SV2B: variants seen among roughly 807,000 people sequenced by gnomAD.
SV2B encodes solute carrier family 22 member B2.
SV2B carries 41 observed loss-of-function variants against 73.9 expected under a neutral mutation model. That is an observed-to-expected ratio of 0.56 (90% CI 0.43 to 0.72). The LOEUF (loss-of-function observed/expected upper bound fraction) is 0.72. SV2B is among the 30% of genes least tolerant of loss of function. SV2B has a pLI of 0.00. For missense variants in SV2B, 764 were observed against 857.8 expected, an observed-to-expected ratio of 0.89 and a Z score of 1.37; for synonymous variants, 314 against 314.2, an observed-to-expected ratio of 1.00 and a Z score of 0.01.
intron 1 of SV2B, among the ~76,000 whole-genome samples, chr15:91,166,921 C>T (rs2043935808): frequency 6.6e-6 from 1 of 151,586 alleles, no homozygotes; most frequent in East Asian, 1.9e-4. Flanking sequence ...TCACGCCATT[C>T]TCCTGCCTCA....
chr15:91,142,749 G>C (rs1186708360), intron 1 of SV2B, among the ~76,000 whole-genome samples: 1 of 152,180 alleles, frequency 6.6e-6, no homozygotes, highest in South Asian at 2.1e-4. Flanking sequence ...TCCAACCAAG[G>C]TGTGGTTTAA....
At chr15:91,208,139 C>T (rs1045529698) in intron 1 of SV2B, among the ~76,000 whole-genome samples, 3 of 152,254 alleles carry the variant, frequency 2.0e-5, no homozygotes, top group East Asian at 1.9e-4. Flanking sequence ...GTCTCACCCG[C>T]GTCTGTGATC....
intron 9 of SV2B, among the ~76,000 whole-genome samples, chr15:91,270,972 G>A (rs2048288686): frequency 1.3e-5 from 2 of 151,120 alleles, no homozygotes; most frequent in Non-Finnish European, 2.9e-5. Flanking sequence ...TCCTGTGGAT[G>A]ATGGGCGGAC....
chr15:91,294,933 A>G lies in SV2B; in HGVS notation c.*2381A>G, dbSNP rs1293604539. The G allele has an allele frequency of 6.6e-6, 1 of 152,636 alleles. No homozygotes were observed. Among genetic ancestry groups the G allele is most frequent in the African/African-American group, 2.4e-5 (1 of 41,448 alleles). The allele number at this position is 152,636 out of a possible 1,614,324, so 9.5% of individuals were successfully genotyped here. On this transcript the variant is annotated 3_prime_UTR_variant, in exon 13 of 13. Coordinates refer to ENST00000394232, the MANE Select transcript of SV2B (RefSeq NM_001323032.3). The surrounding 1 kb of genome is among the most constrained non-coding windows in gnomAD (Gnocchi z 4.1). ...GCAGCCAAGCTCTGCAGACTTTTGC[A>G]GGATTGTCTAGCCTGAGTACCGGGC...
At chr15:91,250,086 C>A (rs2047424194) in intron 2 of SV2B, among the ~76,000 whole-genome samples, 1 of 152,034 alleles carries the variant, frequency 6.6e-6, no homozygotes. Context: ...GGTCAATATT[C>A]CTGATGGACA....
chr15:91,182,411 G>C (rs1217097894), intron 1 of SV2B, among the ~76,000 whole-genome samples: 1 of 152,106 alleles, frequency 6.6e-6, no homozygotes, highest in Non-Finnish European at 1.5e-5. Context: ...CTAAAGAAAA[G>C]GTAGCTCAAA....
chr15:91,281,888 T>G lies in SV2B; in HGVS notation c.1507+27T>G. 1 of 1,586,384 alleles carries G rather than the reference T, an allele frequency of 6.3e-7. No homozygotes were observed. Among genetic ancestry groups the G allele is most frequent in the Non-Finnish European group, 8.6e-7 (1 of 1,162,000 alleles). On this transcript the variant is annotated intron_variant, in intron 10 of 12. Coordinates refer to ENST00000394232, the MANE Select transcript of SV2B (RefSeq NM_001323032.3). The surrounding 1 kb of genome is among the most constrained non-coding windows in gnomAD (Gnocchi z 4.7). ...TAGGTAAGAACATTGACAGATTGAA[T>G]AGAAAGTAACAGGAGACAACTTGTG...
chr15:91,284,689 G>A lies in SV2B; in HGVS notation c.1708+468G>A, dbSNP rs1471208487. Among the ~76,000 whole-genome samples the A allele has an allele frequency of 1.3e-5, 2 of 152,188 alleles. No homozygotes were observed. Among genetic ancestry groups the A allele is most frequent in the Non-Finnish European group, 2.9e-5 (2 of 68,024 alleles). ...AAATCCTATCACCGAAAGGCTGTTT[G>A]ACCTTGAATGTGTTCCTTTACTTCT... On this transcript the variant is annotated intron_variant, in intron 11 of 12. Transcript: ENST00000394232. This position sits in a 1 kb window ranked among gnomAD's most constrained non-coding sequence, Gnocchi z 4.5.
At chr15:91,103,179 C>G (rs926508457) in intron 1 of SV2B, among the ~76,000 whole-genome samples, 1 of 152,136 alleles carries the variant, frequency 6.6e-6, no homozygotes, top group Non-Finnish European at 1.5e-5. Flanking sequence ...TGTGGTCATT[C>G]AGAGCATAAA....
rs188918902 is a variant in SV2B, at chr15:91,239,922, C to T, written c.452-11897C>T. Among the ~76,000 whole-genome samples, 3 of 152,300 alleles carry T rather than the reference C, an allele frequency of 2.0e-5. No homozygotes were observed. In the East Asian group the frequency reaches 5.8e-4, roughly 29 times the overall value. Reference sequence around the variant, plus strand: ...AGTCCCCCGATAATGGCTTTCCAATCACCTGGCAGGTGTCCACCAAGTCTT... The same window carrying T: ...AGTCCCCCGATAATGGCTTTCCAATTACCTGGCAGGTGTCCACCAAGTCTT... On this transcript the variant is annotated intron_variant, in intron 2 of 12. Transcript: ENST00000394232. This position sits in a 1 kb window ranked among gnomAD's most constrained non-coding sequence, Gnocchi z 5.1.
chr15:91,291,310 C>A (rs75669900), intron 12 of SV2B, among the ~76,000 whole-genome samples: 8,016 of 151,280 alleles, frequency 0.053, 268 homozygotes, highest in Non-Finnish European at 0.082. Flanking sequence ...AATACAAAAA[C>A]AAAGATACTA....
chr15:91,248,686 G>C (rs2047352521), intron 2 of SV2B, among the ~76,000 whole-genome samples: 1 of 152,104 alleles, frequency 6.6e-6, no homozygotes, highest in Non-Finnish European at 1.5e-5. Flanking sequence ...CTCAAAGTGT[G>C]GTCCCCAGAC....
rs28645299 is a variant in SV2B, at chr15:91,197,455, T to C, written c.-391-28418T>C. Among the ~76,000 whole-genome samples, 5,228 of 151,658 alleles carry C rather than the reference T, an allele frequency of 0.034. 282 individuals carry two copies. The highest frequency in any genetic ancestry group is 0.12 in the African/African-American group (4,830 of 41,336). ...GTCAGGCTGGTCTCAAACTCCCGAC[T>C]TCAGGTCATCCACCTGCCTCGGCCT... On this transcript the variant is annotated intron_variant, in intron 1 of 12. Coordinates refer to ENST00000394232, the MANE Select transcript of SV2B (RefSeq NM_001323032.3). The surrounding 1 kb of genome is among the most constrained non-coding windows in gnomAD (Gnocchi z 4.9).
intron 1 of SV2B, among the ~76,000 whole-genome samples, chr15:91,159,777 G>T (rs1381018324): frequency 2.6e-5 from 4 of 152,050 alleles, no homozygotes; most frequent in Admixed American, 6.5e-5. Context: ...ATTTAAAGCT[G>T]ATTTAAATAT....
chr15:91,113,235 C>T (rs1443753749), intron 1 of SV2B, among the ~76,000 whole-genome samples: 1 of 152,176 alleles, frequency 6.6e-6, no homozygotes, highest in Non-Finnish European at 1.5e-5. Flanking sequence ...CTCCAGGCTT[C>T]CTTTGCAAGT....
intron 1 of SV2B, among the ~76,000 whole-genome samples, chr15:91,191,563 C>G (rs528171308): frequency 1.1e-4 from 17 of 152,254 alleles, no homozygotes; most frequent in Middle Eastern, 3.4e-3. Flanking sequence ...TGCTTCTTGG[C>G]TGTAAATCCC....
intron 2 of SV2B, among the ~76,000 whole-genome samples, chr15:91,244,727 C>T (rs536095369): frequency 1.4e-4 from 22 of 152,200 alleles, no homozygotes; most frequent in African/African-American, 5.3e-4. Flanking sequence ...AATCCCATGC[C>T]CTAGTCCAAG....
intron 1 of SV2B, among the ~76,000 whole-genome samples, chr15:91,144,225 C>CA (rs1335066939): frequency 6.6e-6 from 1 of 152,142 alleles, no homozygotes; most frequent in African/African-American, 2.4e-5. Flanking sequence ...TATGTACTTA[C>CA]AAAAAACCAG....
rs376742983 is a variant in SV2B, at chr15:91,185,051, C to T, written c.-391-40822C>T. ...TTTCTTCTGAAACAGATGTTCTGTC[C>T]ATCCAATTGAATATCAGTTAAAGGA... is the stretch of plus-strand genomic sequence containing the variant. On this transcript the variant is annotated intron_variant, in intron 1 of 12. Coordinates refer to ENST00000394232, the MANE Select transcript of SV2B (RefSeq NM_001323032.3). Among the ~76,000 whole-genome samples the T allele has an allele frequency of 7.9e-5, 12 of 152,306 alleles. No individual in the cohort carries two copies. In the East Asian group the frequency reaches 2.3e-3, roughly 29 times the overall value.
Sources: allele counts gnomAD v4.1 joint callset (sites outside exome capture counted in the v4.1 genomes callset), GRCh38; gene constraint gnomAD v4.1.1; non-coding constraint Gnocchi (gnomAD v3.1); transcripts MANE v1.5; gene names NCBI Gene and HGNC (gene_info 2026-07-23, HGNC 2026-07-21).